The following UBA2 variants were observed in gnomAD, a reference collection of about 807,000 sequenced individuals.
UBA2 encodes the protein ubiquitin like modifier activating enzyme 2, also known as SUMO-activating enzyme subunit 2.
UBA2 carries 11 observed loss-of-function variants against 77.2 expected under a neutral mutation model. That is an observed-to-expected ratio of 0.14 (90% confidence interval 0.09 to 0.24). UBA2 has a LOEUF of 0.24. Among genes scored for constraint, UBA2 ranks in the 10% least tolerant of loss-of-function variants. The pLI, the probability that UBA2 is intolerant of heterozygous loss-of-function variation, is 1.00. For synonymous variants in UBA2, 278 were observed against 276.7 expected, an observed-to-expected ratio of 1.00 and a Z score of -0.05; for missense variants, 487 against 781.7, an observed-to-expected ratio of 0.62 and a Z score of 4.50.
At chr19:34,440,036 A>G (rs1331752878) in intron 6 of UBA2, among the ~76,000 whole-genome samples, 2 of 152,110 alleles carry the variant, frequency 1.3e-5, no homozygotes, top group Admixed American at 6.5e-5. Context: ...TTAAAAACTT[A>G]CTAAGTGCCC....
intron 1 of UBA2, chr19:34,430,319 C>T: frequency 1.2e-5 from 4 of 334,106 alleles, no homozygotes; most frequent in South Asian, 1.7e-4. Context: ...AAATATTTTC[C>T]AGGATGATTA....
chr19:34,432,622 A>T (rs1022988606), intron 3 of UBA2, among the ~76,000 whole-genome samples: 1 of 152,018 alleles, frequency 6.6e-6, no homozygotes, highest in Non-Finnish European at 1.5e-5. Context: ...CAGTGGCATG[A>T]TCTTGGCTCA....
rs149607843 is a variant in UBA2 at position 34,450,544 on chromosome 19, T to C, written c.871+180T>C. Reference sequence around the variant, plus strand: ...TTCAGAAATAGCCACTAATAACATTTTCAGGAGTGTTCTGGTGGTCCGCCC... The same window carrying C: ...TTCAGAAATAGCCACTAATAACATTCTCAGGAGTGTTCTGGTGGTCCGCCC... On this transcript the variant is annotated intron_variant, in intron 9 of 16. Coordinates refer to ENST00000246548, the MANE Select transcript of UBA2 (RefSeq NM_005499.3). Among the ~76,000 whole-genome samples, 220 of 152,222 alleles carry C rather than the reference T, an allele frequency of 1.4e-3. 5 individuals carry two copies. Among genetic ancestry groups the C allele is most frequent in the African/African-American group, 5.0e-3 (206 of 41,528 alleles).
At chr19:34,459,653 T>C (rs1476624454) in intron 13 of UBA2, among the ~76,000 whole-genome samples, 2 of 152,188 alleles carry the variant, frequency 1.3e-5, no homozygotes, top group African/African-American at 4.8e-5. Context: ...AGATTTTCTT[T>C]TTTTATGACC....
intron 14 of UBA2, among the ~76,000 whole-genome samples, chr19:34,462,369 T>C (rs1228418832): frequency 6.6e-6 from 1 of 152,186 alleles, no homozygotes. Flanking sequence ...TGATGCTAGT[T>C]CACCAAAATG....
chr19:34,443,772 G>T, intron 6 of UBA2, 72 bp from the exon 7 acceptor site: 1 of 1,037,246 alleles, frequency 9.6e-7, no homozygotes, highest in Non-Finnish European at 1.5e-6. Context: ...CTAAATATTT[G>T]GAATATTCTA....
intron 5 of UBA2, 138 bp from the exon 6 acceptor site, chr19:34,438,507 G>A: frequency 9.7e-7 from 1 of 1,030,944 alleles, no homozygotes; most frequent in Non-Finnish European, 1.4e-6. Context: ...TAAGCATTTT[G>A]GAGTCACTAA....
At chr19:34,454,058 G>C (rs1282550106) in intron 10 of UBA2, among the ~76,000 whole-genome samples, 1 of 152,134 alleles carries the variant, frequency 6.6e-6, no homozygotes. Flanking sequence ...GACCAGAGGA[G>C]CTGATGATGA....
chr19:34,435,430 C>G (rs948404802), intron 5 of UBA2, among the ~76,000 whole-genome samples: 11 of 152,046 alleles, frequency 7.2e-5, no homozygotes, highest in Non-Finnish European at 1.3e-4. Context: ...TAAACGTGCT[C>G]AAAAGACTAT....
At position 34,451,883 on chromosome 19, in the gene UBA2, G is replaced by T. The variant is rs1255524556; in HGVS notation, c.872-98G>T. 4 of 629,896 alleles carry T rather than the reference G, an allele frequency of 6.4e-6. No homozygotes were observed. In the East Asian group the frequency reaches 1.3e-4, roughly 20 times the overall value. 39.0% of individuals were successfully genotyped at this position (629,896 alleles called of 1,614,324 possible). The stretch of plus-strand genomic sequence containing the variant: ...TTTTAATGGAATTTATTTCATATTT[G>T]ATTTCTTAATGGTCGGGGATTGAAC... On this transcript the variant is annotated intron_variant, in intron 9 of 16. Coordinates refer to ENST00000246548, the MANE Select transcript of UBA2 (RefSeq NM_005499.3).
intron 5 of UBA2, among the ~76,000 whole-genome samples, chr19:34,435,202 A>G (rs2075295686): frequency 6.6e-6 from 1 of 152,092 alleles, no homozygotes; most frequent in Non-Finnish European, 1.5e-5. Flanking sequence ...GTTTGAGACC[A>G]GCCTGGCAAG....
At chr19:34,448,838 C>A (rs1250956613) in intron 8 of UBA2, among the ~76,000 whole-genome samples, 1 of 152,024 alleles carries the variant, frequency 6.6e-6, no homozygotes, top group Non-Finnish European at 1.5e-5. Flanking sequence ...AAAGATGGTT[C>A]AGTACAGAAA....
At chr19:34,433,731 A>T (rs1478935166) in intron 4 of UBA2, among the ~76,000 whole-genome samples, 1 of 152,186 alleles carries the variant, frequency 6.6e-6, no homozygotes, top group Non-Finnish European at 1.5e-5. Context: ...AGACCAAGGC[A>T]GGAGGATCAC....
intron 4 of UBA2, among the ~76,000 whole-genome samples, chr19:34,434,239 G>A (rs1376877249): frequency 6.6e-6 from 1 of 152,112 alleles, no homozygotes; most frequent in Non-Finnish European, 1.5e-5. Flanking sequence ...AACCTCTGCA[G>A]TAGCTACTCT....
At position 34,469,389 on chromosome 19, in the gene UBA2, A is replaced by T. The variant is rs1347827734; in HGVS notation, c.*168A>T. On this transcript the variant is annotated 3_prime_UTR_variant, in exon 17 of 17. Transcript: ENST00000246548. ...CTAGAACTGTTAGACACATTGCAGT[A>T]TGCTGTATTGAAAGTAGGAATATAG... The T allele has an allele frequency of 2.1e-6, 1 of 480,350 alleles. No individual in the cohort carries two copies. Among genetic ancestry groups the T allele is most frequent in the African/African-American group, 2.0e-5 (1 of 50,078 alleles). The allele number at this position is 480,350 out of a possible 1,614,324, so 29.8% of individuals were successfully genotyped here.
Position 34,452,691 on chromosome 19 carries a change from T to G in UBA2, c.1038+544T>G, listed in dbSNP as rs542668816. Among the ~76,000 whole-genome samples, 14 of 152,342 alleles carry G rather than the reference T, an allele frequency of 9.2e-5. No homozygotes were observed. The South Asian group carries it at 2.9e-3, about 32-fold the overall frequency. The stretch of plus-strand genomic sequence containing the variant: ...TGAACTAATTTTACTTAATTTTAAT[T>G]GTAATCAGTATTTTCTATGGCTAAA... On this transcript the variant is annotated intron_variant, in intron 10 of 16. Coordinates refer to ENST00000246548, the MANE Select transcript of UBA2 (RefSeq NM_005499.3).
Position 34,456,100 on chromosome 19 carries a change from CTTTTTCTTTTT to C in UBA2, c.1245+1550_1245+1560del, listed in dbSNP as rs1402308203. 5.2e-3 allele frequency among the ~76,000 whole-genome samples: 289 copies of C among 55,802 alleles called. 6 individuals are homozygous for C. The highest frequency in any genetic ancestry group is 0.02 in the African/African-American group (276 of 13,850). The allele number at this position is 55,802 out of a possible 152,430, so 36.6% of individuals were successfully genotyped here. A position where few individuals can be genotyped will look rare whatever the true frequency, so the allele number is the denominator to read the frequency against. On this transcript the variant is annotated intron_variant, in intron 12 of 16. Transcript: ENST00000246548. ...CCCGATGCGCTCTTTTTTTCCTTTT[CTTTTTCTTTTT>C]TTTTTTTTTTTTTGAGGTGGAATCT...
At chr19:34,452,175 C>T in intron 10 of UBA2, 28 bp downstream of exon 10, 2 of 1,529,050 alleles carry the variant, frequency 1.3e-6, no homozygotes, top group Admixed American at 1.9e-5. Flanking sequence ...GTGGCAAGTA[C>T]TTACATGTCA....
chr19:34,458,961 T>C (rs200703133), intron 13 of UBA2, 37 bp downstream of exon 13: 2 of 1,597,430 alleles, frequency 1.3e-6, no homozygotes, highest in Non-Finnish European at 1.7e-6. Flanking sequence ...CCTTTTGCTT[T>C]TACAGTATTA....
Sources: gnomAD v4.1 joint callset for allele counts (sites outside exome capture counted in the v4.1 genomes callset) on GRCh38, gnomAD v4.1.1 for gene constraint, MANE v1.5 for transcripts, NCBI Gene and HGNC (gene_info 2026-07-23, HGNC 2026-07-21) for gene names.